KMT2A: variants seen among roughly 807,000 people sequenced by gnomAD.
KMT2A encodes lysine methyltransferase 2A.
Under a neutral mutation model 345.3 loss-of-function variants are expected in KMT2A, and 16 were observed. That is an observed-to-expected ratio of 0.05 (90% confidence interval 0.03 to 0.07). The LOEUF is 0.07. KMT2A is among the 10% of genes least tolerant of loss of function. The pLI, the probability that KMT2A is intolerant of heterozygous loss-of-function variation, is 1.00. For synonymous variants in KMT2A, 1,599 were observed against 1,778.6 expected (o/e 0.90, Z 2.54); for missense variants, 3,272 against 4,841.6 (o/e 0.68, Z 9.62).
At chr11:118,444,656 C>T (rs952243873) in intron 1 of KMT2A, among the ~76,000 whole-genome samples, 1 of 152,156 alleles carries the variant, frequency 6.6e-6, no homozygotes, top group East Asian at 1.9e-4. Context: ...TCATTTCAGC[C>T]TCAACCTCCA....
intron 31 of KMT2A, chr11:118,519,382 T>C (rs138194391): frequency 1.0e-3 from 452 of 453,228 alleles, no homozygotes; most frequent in African/African-American, 8.1e-3. Flanking sequence ...AAATAGTCCA[T>C]AGTTTGGTGG....
At chr11:118,465,605 A>G (rs184895314) in intron 1 of KMT2A, among the ~76,000 whole-genome samples, 1 of 152,304 alleles carries the variant, frequency 6.6e-6, no homozygotes, top group Non-Finnish European at 1.5e-5. Context: ...ATAGTCTGAG[A>G]GAATCAGACT....
chr11:118,502,754 T>G lies in KMT2A; in HGVS notation c.6862T>G (p.Ser2288Ala). ...NKNSHLDGSS[S>A]SEMKQSSASD... ...AAACAGTCACTTGGATGGATCTTCA[T>G]CTTCAGAAATGAAGCAGTCCAGTGC... Residue 2288 changes from serine (S) to alanine (A), a missense_variant, in exon 27 of 36, where the codon TCT (serine) becomes GCT (alanine). By Grantham distance (99) the Ser-to-Ala change is moderately conservative (BLOSUM62 1). This residue lies in a region of KMT2A where 445 missense variants were observed against 500.9 expected (regional missense o/e 0.89). Transcript: ENST00000534358. The surrounding 1 kb of genome is among the most constrained non-coding windows in gnomAD (Gnocchi z 4.9). 6.2e-7 allele frequency: 1 copy of G among 1,614,158 alleles called. No homozygotes were observed. The highest frequency in any genetic ancestry group is 1.7e-5 in the Admixed American group (1 of 60,012).
rs143317202 is a variant in KMT2A at position 118,491,813 on chromosome 11, G to A, written c.4889G>A (p.Arg1630Gln). Residue 1630 changes from arginine (R) to glutamine (Q), a missense_variant, in exon 15 of 36, where the codon CGG becomes CAG. Around this residue, in one of 27 missense-constraint regions of KMT2A, gnomAD observed 66 missense variants for 80.1 expected, o/e 0.82. Transcript: ENST00000534358. The surrounding 1 kb of genome is among the most constrained non-coding windows in gnomAD (Gnocchi z 4.2). Reference protein sequence around the residue: ...VAYTCVNCTERHPAEWRLALE... With the variant: ...VAYTCVNCTEQHPAEWRLALE... ...TACACTTGTGTGAACTGTACTGAGC[G>A]GCACCCTGCAGAGTGGCGACTGGCC... 1.1e-4 allele frequency: 177 copies of A among 1,614,002 alleles called. No individual in the cohort carries two copies. The highest frequency in any genetic ancestry group is 1.7e-4 in the Admixed American group (10 of 60,014).
At chr11:118,451,187 A>G (rs1478357334) in intron 1 of KMT2A, among the ~76,000 whole-genome samples, 1 of 150,292 alleles carries the variant, frequency 6.7e-6, no homozygotes, top group Non-Finnish European at 1.5e-5. Flanking sequence ...CCCTTCCCTC[A>G]TGAAACTTGC....
At chr11:118,501,931 T>G in intron 26 of KMT2A, 74 bp downstream of exon 26, 1 of 1,261,970 alleles carries the variant, frequency 7.9e-7, no homozygotes, top group Admixed American at 2.1e-5. Context: ...TTCAGGCAAC[T>G]TTATCTTGGT....
chr11:118,474,669 T>G (rs1293199420), intron 3 of KMT2A, among the ~76,000 whole-genome samples: 1 of 152,220 alleles, frequency 6.6e-6, no homozygotes, highest in Non-Finnish European at 1.5e-5. Context: ...TTGTACCTTA[T>G]AAGTTTGATG....
At chr11:118,501,417 C>T (rs1224081548) in intron 25 of KMT2A, among the ~76,000 whole-genome samples, 2 of 151,556 alleles carry the variant, frequency 1.3e-5, no homozygotes, top group Non-Finnish European at 2.9e-5. Context: ...TGCAGTCAGC[C>T]AAGATCACGC....
chr11:118,516,691 G>A (rs1259773834), intron 31 of KMT2A, among the ~76,000 whole-genome samples: 1 of 152,048 alleles, frequency 6.6e-6, no homozygotes, highest in East Asian at 1.9e-4. Context: ...GATATTTTAG[G>A]TGTGCTGTAA....
intron 1 of KMT2A, among the ~76,000 whole-genome samples, chr11:118,458,639 A>G (rs147771916): frequency 6.6e-6 from 1 of 152,316 alleles, no homozygotes; most frequent in Non-Finnish European, 1.5e-5. Flanking sequence ...GTGTGAACAC[A>G]TTTTTTAAAA....
chr11:118,516,707 T>C (rs775730474), intron 31 of KMT2A, among the ~76,000 whole-genome samples: 4 of 152,206 alleles, frequency 2.6e-5, no homozygotes, highest in South Asian at 2.1e-4. Context: ...TGTAAATATT[T>C]ATTGAATGAA....
Position 118,436,580 on chromosome 11 carries a change from G to T in KMT2A, c.68G>T (p.Gly23Val). 8.4e-7 allele frequency: 1 copy of T among 1,183,998 alleles called. No individual in the cohort carries two copies. The allele number at this position is 1,183,998 out of a possible 1,614,324, so 73.3% of individuals were successfully genotyped here. A position where few individuals can be genotyped will look rare whatever the true frequency, so the allele number is the denominator to read the frequency against. Reference protein sequence around the residue: ...PGTTGGGGGGGRRGLGGAPRQ... With the variant: ...PGTTGGGGGGVRRGLGGAPRQ... Reference sequence around the variant, plus strand: ...ACCACCGGGGGCGGCGGCGGCGGGGGGCGCCGGGGCCTAGGGGGCGCCCCG... The same window carrying T: ...ACCACCGGGGGCGGCGGCGGCGGGGTGCGCCGGGGCCTAGGGGGCGCCCCG... The change falls in exon 1 of 36, where the codon GGG (glycine) becomes GTG (valine). Residue 23 changes from glycine (G) to valine (V), a missense_variant. Transcript: ENST00000534358. This position sits in a 1 kb window ranked among gnomAD's most constrained non-coding sequence, Gnocchi z 6.9.
Position 118,509,987 on chromosome 11 carries a change from C to A in KMT2A, c.10940C>A (p.Ser3647Tyr), listed in dbSNP as rs782066353. The stretch of plus-strand genomic sequence containing the variant: ...GAAGAAGAGGAAAGTAATTTCAGCT[C>A]CCCACTGATGCTTTGGCTTCAGCAA... ...TVEEEESNFS[S>Y]PLMLWLQQEQ... The change falls in exon 30 of 36, where the codon TCC becomes TAC. Residue 3647 changes from serine (S) to tyrosine (Y), a missense_variant. Physicochemically the swap from Ser to Tyr is moderately radical, Grantham distance 144. This residue lies in a region of KMT2A where 748 missense variants were observed against 922.2 expected (regional missense o/e 0.81). Transcript: ENST00000534358. 3.1e-6 allele frequency: 5 copies of A among 1,612,588 alleles called. No individual in the cohort carries two copies. The African/African-American group carries it at 6.7e-5, about 22-fold the overall frequency.
rs1406925261 is a variant in KMT2A, at chr11:118,494,242, G to A, written c.5179-46G>A. 1 of 1,004,342 alleles carries A rather than the reference G, an allele frequency of 1.0e-6. No individual in the cohort carries two copies. The highest frequency in any genetic ancestry group is 1.6e-6 in the Non-Finnish European group (1 of 630,646). The allele number at this position is 1,004,342 out of a possible 1,614,324, so 62.2% of individuals were successfully genotyped here. On this transcript the variant is annotated intron_variant, in intron 16 of 35. Transcript: ENST00000534358. This position sits in a 1 kb window ranked among gnomAD's most constrained non-coding sequence, Gnocchi z 5.8. ...AGGAGGGAAGAGGAAATGGTTTTCA[G>A]AGCACACTGTTTTAAGAATAATTAA... is the stretch of plus-strand genomic sequence containing the variant.
At position 118,473,661 on chromosome 11, in the gene KMT2A, T is replaced by C; in HGVS notation, c.2502T>C (p.Pro834=). 1 of 1,614,090 alleles carries C rather than the reference T, an allele frequency of 6.2e-7. No individual in the cohort carries two copies. The highest frequency in any genetic ancestry group is 8.5e-7 in the Non-Finnish European group (1 of 1,180,008). ...CATTTTCATCAAGTAGTCCTACTCCTCTCTTCCCTTGGTTTACCCCAGGCT... is the reference window on the plus strand; with the variant it reads ...CATTTTCATCAAGTAGTCCTACTCCCCTCTTCCCTTGGTTTACCCCAGGCT... ...AEPFSSSSPT[P]LFPWFTPGSQ... Residue 834 remains proline, a synonymous_variant, in exon 3 of 36, where the codon CCT becomes CCC. Coordinates refer to ENST00000534358, the MANE Select transcript of KMT2A (RefSeq NM_001197104.2). This position sits in a 1 kb window ranked among gnomAD's most constrained non-coding sequence, Gnocchi z 5.2.
chr11:118,442,602 G>A lies in KMT2A; in HGVS notation c.432+5658G>A, dbSNP rs528888707. 5.9e-5 allele frequency among the ~76,000 whole-genome samples: 9 copies of A among 152,270 alleles called. No homozygotes were observed. In the South Asian group the frequency reaches 1.7e-3, roughly 28 times the overall value. ...TATTGATTGCTCCTAAGTTGTATCG[G>A]CTTTGAGACACAGACTGAATTAAAG... On this transcript the variant is annotated intron_variant, in intron 1 of 35. Transcript: ENST00000534358.
At chr11:118,437,678 C>CT (rs1237910585) in intron 1 of KMT2A, among the ~76,000 whole-genome samples, 5 of 151,222 alleles carry the variant, frequency 3.3e-5, no homozygotes, top group African/African-American at 1.2e-4. Context: ...AGTCTCTTCC[C>CT]CCCCCCGCCC....
In KMT2A at chr11:118,506,259, A is replaced by T; in HGVS notation, c.10367A>T (p.Gln3456Leu). The T allele has an allele frequency of 2.5e-6, 4 of 1,614,216 alleles. No homozygotes were observed. The highest frequency in any genetic ancestry group is 3.4e-6 in the Non-Finnish European group (4 of 1,180,032). Residue 3456 changes from glutamine to leucine, a missense_variant, in exon 27 of 36, where the codon CAG becomes CTG. Gln to Leu is a moderately radical substitution (Grantham distance 113). This residue lies in a region of KMT2A where 748 missense variants were observed against 922.2 expected (regional missense o/e 0.81). Coordinates refer to ENST00000534358, the MANE Select transcript of KMT2A (RefSeq NM_001197104.2). ...SGEADEHYQL[Q>L]HVNQLLASKT... is the part of the protein sequence containing the mutation. ...GAAGCAGACGAACACTATCAGCTTC[A>T]GCATGTGAACCAGCTCCTTGCCAGC...
intron 1 of KMT2A, among the ~76,000 whole-genome samples, chr11:118,459,523 C>T (rs1949706818): frequency 1.3e-5 from 2 of 152,098 alleles, no homozygotes; most frequent in Admixed American, 1.3e-4. Context: ...GCAAAGTCAT[C>T]CTAGGCTGTA....
Sources: allele counts gnomAD v4.1 joint callset (sites outside exome capture counted in the v4.1 genomes callset), GRCh38; gene constraint gnomAD v4.1.1; regional missense constraint gnomAD v4.1.1; non-coding constraint Gnocchi (gnomAD v3.1); transcripts MANE v1.5; gene names NCBI Gene and HGNC (gene_info 2026-07-23, HGNC 2026-07-21).